The following TYR variants were observed in gnomAD, a reference collection of about 807,000 sequenced individuals.
TYR encodes tyrosinase.
In TYR, 58 loss-of-function variants were observed where a neutral mutation model predicts 51.5. The ratio of observed to expected loss-of-function variants is 1.13; its 90% CI spans 0.91 to 1.40. TYR has a LOEUF of 1.40. Among genes scored for constraint, TYR ranks in the 40% most tolerant of loss-of-function variants. TYR has a pLI of 0.00. For missense variants in TYR, 732 were observed against 647.4 expected, an observed-to-expected ratio of 1.13 and a Z score of -1.42; for synonymous variants, 263 against 235.2, an observed-to-expected ratio of 1.12 and a Z score of -1.08.
At chr11:89,237,948 G>T (rs1470434641) in intron 3 of TYR, among the ~76,000 whole-genome samples, 3 of 152,112 alleles carry the variant, frequency 2.0e-5, no homozygotes, top group Admixed American at 1.3e-4. Context: ...CGAGTCTTGT[G>T]CCTCAGCCTC....
intron 3 of TYR, among the ~76,000 whole-genome samples, chr11:89,245,648 C>G (rs532382834): frequency 2.0e-5 from 3 of 152,038 alleles, no homozygotes; most frequent in Non-Finnish European, 4.4e-5. Context: ...ACAGGCTGGG[C>G]GTGGTGGCTC....
At chr11:89,270,309 A>G (rs1944573421) in intron 3 of TYR, among the ~76,000 whole-genome samples, 1 of 151,834 alleles carries the variant, frequency 6.6e-6, no homozygotes, top group South Asian at 2.1e-4. Context: ...ACTTAAGTTC[A>G]AGTGTCACCA....
chr11:89,241,812 T>A (rs907400917), intron 3 of TYR, among the ~76,000 whole-genome samples: 1 of 148,048 alleles, frequency 6.8e-6, no homozygotes, highest in Non-Finnish European at 1.5e-5. Context: ...TACTATATAA[T>A]ATAGTATATA....
At chr11:89,243,911 T>C (rs1467595985) in intron 3 of TYR, among the ~76,000 whole-genome samples, 2 of 152,116 alleles carry the variant, frequency 1.3e-5, no homozygotes, top group African/African-American at 4.8e-5. Flanking sequence ...TTTAAAAATA[T>C]TCCATTTCAA....
At chr11:89,286,968 G>A (rs1397246725) in intron 4 of TYR, among the ~76,000 whole-genome samples, 2 of 151,766 alleles carry the variant, frequency 1.3e-5, no homozygotes, top group Non-Finnish European at 2.9e-5. Context: ...AGACTTTCAT[G>A]GGTTCATGCT....
chr11:89,220,871 A>C (rs528686860), intron 2 of TYR, among the ~76,000 whole-genome samples: 1 of 152,356 alleles, frequency 6.6e-6, no homozygotes, highest in African/African-American at 2.4e-5. Context: ...TAGGAATAGA[A>C]GGTGTAGTAA....
chr11:89,235,204 C>A (rs1447977139), intron 3 of TYR, among the ~76,000 whole-genome samples: 2 of 152,088 alleles, frequency 1.3e-5, no homozygotes, highest in African/African-American at 4.8e-5. Flanking sequence ...GTGTGGAGAA[C>A]ACGGAACACA....
intron 3 of TYR, among the ~76,000 whole-genome samples, chr11:89,245,945 A>C (rs909898114): frequency 3.9e-5 from 6 of 152,006 alleles, no homozygotes; most frequent in Non-Finnish European, 5.9e-5. Context: ...AACAAACAAA[A>C]AAAACAAAAC....
chr11:89,276,582 T>C (rs1944657363), intron 3 of TYR, among the ~76,000 whole-genome samples: 1 of 151,802 alleles, frequency 6.6e-6, no homozygotes, highest in African/African-American at 2.4e-5. Context: ...CCTGATCTTG[T>C]AATGTATTCA....
At chr11:89,266,212 G>A (rs1489180691) in intron 3 of TYR, among the ~76,000 whole-genome samples, 1 of 151,924 alleles carries the variant, frequency 6.6e-6, no homozygotes, top group Non-Finnish European at 1.5e-5. Context: ...AATTGCCAAT[G>A]ATATTAGTGT....
In TYR at chr11:89,289,877, G is replaced by T. The variant is rs1944836513; in HGVS notation, c.1366+4923G>T. Among the ~76,000 whole-genome samples the T allele has an allele frequency of 3.3e-5, 5 of 151,980 alleles. 1 individual carries two copies. The South Asian group carries it at 1.0e-3, about 32-fold the overall frequency. ...GAAAGAAAAACTCAAATTGTAAGCT[G>T]ATTTAGGTGAAATATTGATGAAATT... On this transcript the variant is annotated intron_variant, in intron 4 of 4. Transcript: ENST00000263321.
chr11:89,227,947 T>C lies in TYR; in HGVS notation c.1161T>C (p.Leu387=), dbSNP rs141967840. 7.5e-5 allele frequency: 121 copies of C among 1,613,500 alleles called. No individual in the cohort carries two copies. Among genetic ancestry groups the C allele is most frequent in the Middle Eastern group, 6.6e-4 (4 of 6,082 alleles). ...VQGSANDPIF[L]LHHAFVDSIF... ...GATCTGCCAACGATCCTATCTTCCTTCTTCACCATGCATTTGTTGACAGGT... is the reference window on the plus strand; with the variant it reads ...GATCTGCCAACGATCCTATCTTCCTCCTTCACCATGCATTTGTTGACAGGT... The change falls in exon 3 of 5, where the codon CTT becomes CTC. Residue 387 remains leucine (L), a synonymous_variant. Coordinates refer to ENST00000263321, the MANE Select transcript of TYR (RefSeq NM_000372.5).
chr11:89,261,181 CAT>C (rs1944452705), intron 3 of TYR, among the ~76,000 whole-genome samples: 1 of 152,036 alleles, frequency 6.6e-6, no homozygotes. Context: ...AAAGACATAA[CAT>C]GTATAGAAAA....
intron 3 of TYR, among the ~76,000 whole-genome samples, chr11:89,239,356 C>T (rs953249831): frequency 3.3e-5 from 5 of 152,028 alleles, no homozygotes; most frequent in South Asian, 2.1e-4. Flanking sequence ...TTACCCAATT[C>T]GTTGTTCTTA....
intron 2 of TYR, among the ~76,000 whole-genome samples, chr11:89,222,881 G>T (rs186456988): frequency 3.2e-4 from 49 of 152,268 alleles, no homozygotes; most frequent in African/African-American, 1.2e-3. Flanking sequence ...AGCTATTTTG[G>T]CATCTGTGAC....
intron 3 of TYR, among the ~76,000 whole-genome samples, chr11:89,282,836 T>C (rs1310160858): frequency 6.6e-6 from 1 of 151,802 alleles, no homozygotes; most frequent in African/African-American, 2.4e-5. Context: ...GCATATGTTA[T>C]GTCTCATCAA....
At chr11:89,284,458 C>T (rs908705359) in intron 3 of TYR, among the ~76,000 whole-genome samples, 3 of 151,746 alleles carry the variant, frequency 2.0e-5, no homozygotes, top group Non-Finnish European at 4.4e-5. Context: ...AACTATGACT[C>T]AATTGTCACT....
chr11:89,275,411 C>T (rs1214297078), intron 3 of TYR, among the ~76,000 whole-genome samples: 1 of 151,876 alleles, frequency 6.6e-6, no homozygotes, highest in Admixed American at 6.6e-5. Context: ...CCTAGCTCTG[C>T]CACCTGGGTG....
intron 3 of TYR, chr11:89,283,724 CTT>C (rs1014867905): frequency 1.8e-4 from 28 of 151,950 alleles, no homozygotes; most frequent in African/African-American, 6.5e-4. Context: ...AAGCCATTCT[CTT>C]TGTCATATTG....
Sources: allele counts gnomAD v4.1 joint callset (sites outside exome capture counted in the v4.1 genomes callset), GRCh38; gene constraint gnomAD v4.1.1; transcripts MANE v1.5; gene names NCBI Gene and HGNC (gene_info 2026-07-23, HGNC 2026-07-21).